The following TARS3 variants were observed in gnomAD, a reference collection of about 807,000 sequenced individuals.
The protein encoded by TARS3 is threonyl-tRNA synthetase 3, also known as threonine--tRNA ligase 2, cytoplasmic.
A neutral mutation model predicts 103.5 loss-of-function variants in TARS3; 94 were observed. The ratio of observed to expected loss-of-function variants is 0.91; its 90% CI spans 0.77 to 1.08. The LOEUF (loss-of-function observed/expected upper bound fraction) is 1.08, where lower values mean the gene tolerates loss of function less well. Among genes scored for constraint, TARS3 ranks in the 50% least tolerant of loss-of-function variants. The pLI is 0.00. For missense variants in TARS3, 952 were observed against 995.2 expected (o/e 0.96, Z 0.58); for synonymous variants, 416 against 355.4 (o/e 1.17, Z -1.92).
Position 101,719,914 on chromosome 15 carries a change from CA to C in TARS3, c.566+1211del, listed in dbSNP as rs113769003. ...TAAAAACACTGATGGCTGATCAATT[CA>C]GGGGGTTTGAGGTGGGATCCCCAAA... On this transcript the variant is annotated intron_variant, in intron 3 of 18. Transcript: ENST00000335968. 3.9e-3 allele frequency among the ~76,000 whole-genome samples: 595 copies of C among 152,272 alleles called. 2 individuals carry two copies. Among genetic ancestry groups the C allele is most frequent in the African/African-American group, 0.014 (577 of 41,538 alleles).
chr15:101,723,719 G>A (rs1169372438), intron 1 of TARS3, among the ~76,000 whole-genome samples: 1 of 152,170 alleles, frequency 6.6e-6, no homozygotes, highest in Non-Finnish European at 1.5e-5. Context: ...AAGAACCAGA[G>A]GGAATGAGAG....
intron 2 of TARS3, among the ~76,000 whole-genome samples, chr15:101,722,512 A>T (rs1417875473): frequency 2.9e-5 from 4 of 136,698 alleles, no homozygotes; most frequent in Non-Finnish European, 4.8e-5. Context: ...CTCGAATACA[A>T]AAAAAAAAAA....
At chr15:101,717,302 T>G (rs550728734) in intron 3 of TARS3, among the ~76,000 whole-genome samples, 38 of 152,354 alleles carry the variant, frequency 2.5e-4, no homozygotes, top group Non-Finnish European at 4.1e-4. Flanking sequence ...TTTTCTTATC[T>G]ACAAAATAGG....
intron 11 of TARS3, 54 bp from the exon 12 acceptor site, chr15:101,684,291 AT>A (rs1264381444): frequency 6.9e-7 from 1 of 1,450,182 alleles, no homozygotes. Flanking sequence ...ATATTAAATA[AT>A]TATCTAAATA....
intron 16 of TARS3, among the ~76,000 whole-genome samples, chr15:101,658,251 T>C (rs1394503033): frequency 6.7e-6 from 1 of 148,748 alleles, no homozygotes; most frequent in Non-Finnish European, 1.5e-5. Flanking sequence ...CAAATGTCCT[T>C]TAGCGGGTGA....
intron 10 of TARS3, among the ~76,000 whole-genome samples, chr15:101,694,621 GAAAAA>G (rs1218789719): frequency 6.6e-6 from 1 of 152,164 alleles, no homozygotes; most frequent in East Asian, 1.9e-4. Flanking sequence ...CAGATAGACT[GAAAAA>G]TATCAAGACC....
At chr15:101,689,799 G>A (rs1458369102) in intron 10 of TARS3, among the ~76,000 whole-genome samples, 1 of 152,136 alleles carries the variant, frequency 6.6e-6, no homozygotes, top group Non-Finnish European at 1.5e-5. Context: ...CTAGTTTATG[G>A]TATTTTGTTA....
intron 10 of TARS3, among the ~76,000 whole-genome samples, chr15:101,697,953 T>C (rs1368431748): frequency 6.6e-6 from 1 of 152,162 alleles, no homozygotes; most frequent in East Asian, 1.9e-4. Context: ...TTTAAAGGAA[T>C]TGTACTAGCT....
chr15:101,701,861 C>CA (rs1899299298), intron 9 of TARS3, among the ~76,000 whole-genome samples: 1 of 152,160 alleles, frequency 6.6e-6, no homozygotes. Flanking sequence ...CTGCAACCTC[C>CA]GCCTGCCGGG....
At chr15:101,683,962 TCA>T (rs1272690974) in intron 12 of TARS3, 111 bp downstream of exon 12, 6 of 1,065,572 alleles carry the variant, frequency 5.6e-6, no homozygotes, top group Non-Finnish European at 5.2e-6. Context: ...TGAATGAATC[TCA>T]GAGACTAGAC....
intron 12 of TARS3, among the ~76,000 whole-genome samples, chr15:101,680,261 T>A (rs181320770): frequency 2.6e-4 from 39 of 152,334 alleles, no homozygotes; most frequent in Admixed American, 2.4e-3. Flanking sequence ...GCCACAGTTT[T>A]TTCTGTGGTG....
At chr15:101,674,753 TGAG>T (rs1897953594) in intron 13 of TARS3, among the ~76,000 whole-genome samples, 1 of 150,146 alleles carries the variant, frequency 6.7e-6, no homozygotes, top group Non-Finnish European at 1.5e-5. Flanking sequence ...TGCAGTGAGC[TGAG>T]ATCGCGCCAC....
chr15:101,701,366 A>G lies in TARS3; in HGVS notation c.1222-182T>C, dbSNP rs554181697. Among the ~76,000 whole-genome samples the G allele has an allele frequency of 4.6e-5, 7 of 152,360 alleles. 1 individual carries two copies. In the South Asian group the frequency reaches 1.4e-3, roughly 32 times the overall value. On this transcript the variant is annotated intron_variant, in intron 9 of 18. Transcript: ENST00000335968. ...AAATTTCCAATCATATTTATGCCTA[A>G]TTAGCTTTGAACTTAGCTTTTACTT... is the stretch of plus-strand genomic sequence containing the variant.
At chr15:101,665,629 T>C (rs1897551255) in intron 15 of TARS3, among the ~76,000 whole-genome samples, 2 of 151,480 alleles carry the variant, frequency 1.3e-5, no homozygotes, top group Non-Finnish European at 2.9e-5. Flanking sequence ...AGCTCTCATG[T>C]AATGTTTATT....
intron 12 of TARS3, among the ~76,000 whole-genome samples, chr15:101,679,627 C>T (rs1294639321): frequency 2.0e-5 from 3 of 152,018 alleles, no homozygotes; most frequent in Non-Finnish European, 2.9e-5. Flanking sequence ...TCAGTGTTAC[C>T]GTTCATAGAT....
At chr15:101,688,701 G>A (rs1245625857) in intron 10 of TARS3, among the ~76,000 whole-genome samples, 1 of 152,112 alleles carries the variant, frequency 6.6e-6, no homozygotes, top group Non-Finnish European at 1.5e-5. Flanking sequence ...AAGAAAATAG[G>A]AGAGAAGATG....
intron 13 of TARS3, among the ~76,000 whole-genome samples, chr15:101,675,104 C>T (rs1014261204): frequency 1.3e-5 from 2 of 152,148 alleles, no homozygotes; most frequent in African/African-American, 4.8e-5. Context: ...GTGATGATCT[C>T]CTTATCTTGG....
In TARS3 at chr15:101,675,721, T is replaced by G; in HGVS notation, c.1667A>C (p.Lys556Thr). The change falls in exon 13 of 19, where the codon AAG becomes ACG. Residue 556 changes from lysine (K) to threonine (T), a missense_variant. This residue lies in a region of TARS3 where 540 missense variants were observed against 631.0 expected (regional missense o/e 0.86). Coordinates refer to ENST00000335968, the MANE Select transcript of TARS3 (RefSeq NM_152334.3). Reference protein sequence around the residue: ...CTVEQIEEEIKGCLQFLQSVY... With the variant: ...CTVEQIEEEITGCLQFLQSVY... ...AGATTGCAAAAACTGCAAACACCCC[T>G]TTATTTCTTCTTCAATCTGAAATCA... 6.2e-7 allele frequency: 1 copy of G among 1,610,318 alleles called. No homozygotes were observed. The highest frequency in any genetic ancestry group is 1.7e-5 in the Admixed American group (1 of 58,880).
intron 12 of TARS3, among the ~76,000 whole-genome samples, chr15:101,680,311 A>G (rs1225808632): frequency 6.6e-6 from 1 of 152,236 alleles, no homozygotes; most frequent in Admixed American, 6.5e-5. Flanking sequence ...AAACTTTTCT[A>G]TCTTTCTAGG....
Sources: gnomAD v4.1 joint callset for allele counts (sites outside exome capture counted in the v4.1 genomes callset) on GRCh38, gnomAD v4.1.1 for gene constraint, gnomAD v4.1.1 regional missense constraint, MANE v1.5 for transcripts, NCBI Gene and HGNC (gene_info 2026-07-23, HGNC 2026-07-21) for gene names.